ATM: variants seen among roughly 807,000 people sequenced by gnomAD.
ATM encodes the protein ATM serine/threonine kinase.
In ATM, 308 loss-of-function variants were observed where a neutral mutation model predicts 387.0. The observed-to-expected ratio is 0.80, with a 90% CI of 0.73 to 0.87. The LOEUF is 0.87. Among genes scored for constraint, ATM ranks in the 40% least tolerant of loss-of-function variants. The pLI is 0.00. For missense variants in ATM, 3,312 were observed against 3,560.9 expected (o/e 0.93, Z 1.78); for synonymous variants, 1,156 against 1,187.3 (o/e 0.97, Z 0.54).
At chr11:108,258,125 A>T (rs1003823301) in intron 15 of ATM, among the ~76,000 whole-genome samples, 3 of 152,140 alleles carry the variant, frequency 2.0e-5, no homozygotes, top group African/African-American at 7.2e-5. Context: ...GGCTAGTCTC[A>T]AACCCTGGGC....
At chr11:108,342,323 A>G (rs1323081743) in intron 56 of ATM, among the ~76,000 whole-genome samples, 1 of 152,228 alleles carries the variant, frequency 6.6e-6, no homozygotes, top group Non-Finnish European at 1.5e-5. Context: ...GTATTTATGT[A>G]GTATATAGCT....
chr11:108,235,251 G>A (rs2079207222), intron 4 of ATM, among the ~76,000 whole-genome samples: 1 of 147,754 alleles, frequency 6.8e-6, no homozygotes, highest in African/African-American at 2.5e-5. Flanking sequence ...TGCTGAGTTT[G>A]TGCCACTGCA....
rs1322974277 is a variant in ATM, at chr11:108,366,407, GT to G, written c.*905del. The G allele has an allele frequency of 9.2e-6, 2 of 217,232 alleles. No individual in the cohort carries two copies. The highest frequency in any genetic ancestry group is 1.9e-4 in the South Asian group (1 of 5,394). The allele number at this position is 217,232 out of a possible 1,614,324, so 13.5% of individuals were successfully genotyped here. A position where few individuals can be genotyped will look rare whatever the true frequency, so the allele number is the denominator to read the frequency against. On this transcript the variant is annotated 3_prime_UTR_variant, in exon 63 of 63. Transcript: ENST00000675843. The stretch of plus-strand genomic sequence containing the variant: ...ATGTCATTTTTAATGTTTTTTTAAT[GT>G]TTTTTATGTCACTAATTATTTTAAA...
chr11:108,328,242 C>CTTTCT (rs944383300), intron 48 of ATM, among the ~76,000 whole-genome samples: 52 of 152,108 alleles, frequency 3.4e-4, no homozygotes, highest in East Asian at 7.7e-4. Flanking sequence ...ATGCGATTGT[C>CTTTCT]TTTCTTTTCT....
At chr11:108,352,016 C>G (rs2089266842) in intron 59 of ATM, among the ~76,000 whole-genome samples, 4 of 152,144 alleles carry the variant, frequency 2.6e-5, no homozygotes, top group Admixed American at 1.3e-4. Flanking sequence ...CTGCCCTTAC[C>G]TAGCAGTAAC....
intron 56 of ATM, chr11:108,340,483 CTCTCT>C (rs1370301545): frequency 1.3e-5 from 2 of 152,154 alleles, no homozygotes; most frequent in Non-Finnish European, 2.9e-5. Context: ...ACTCTTGTTT[CTCTCT>C]TCTCAAGTCT....
In ATM at chr11:108,332,903, A is replaced by G. The variant is rs772572722; in HGVS notation, c.7927+3A>G. 6.2e-7 allele frequency: 1 copy of G among 1,611,468 alleles called. No individual in the cohort carries two copies. The highest frequency in any genetic ancestry group is 8.5e-7 in the Non-Finnish European group (1 of 1,179,338). On this transcript the variant is annotated splice_donor_region_variant and intron_variant, in intron 53 of 62. Coordinates refer to ENST00000675843, the MANE Select transcript of ATM (RefSeq NM_000051.4). ...CACTCAGTGGAAGACTCAGAGAAGTATGTTTTTTTTAAAGAAGAAACGTTA... is the reference window on the plus strand; with the variant it reads ...CACTCAGTGGAAGACTCAGAGAAGTGTGTTTTTTTTAAAGAAGAAACGTTA...
chr11:108,320,978 A>G (rs1388756831), intron 44 of ATM, among the ~76,000 whole-genome samples: 1 of 152,226 alleles, frequency 6.6e-6, no homozygotes, highest in East Asian at 1.9e-4. Flanking sequence ...TTTACTAGTA[A>G]GTGGAAGTGG....
intron 61 of ATM, among the ~76,000 whole-genome samples, chr11:108,359,193 CAAA>C (rs2090407106): frequency 6.6e-6 from 1 of 151,362 alleles, no homozygotes; most frequent in Admixed American, 6.6e-5. Flanking sequence ...TCAAAAGAAA[CAAA>C]GAAGGCCATT....
intron 12 of ATM, among the ~76,000 whole-genome samples, chr11:108,253,508 A>G (rs1038112570): frequency 1.3e-5 from 2 of 152,076 alleles, no homozygotes; most frequent in Admixed American, 6.6e-5. Context: ...TTTGCAGACA[A>G]TGTTATGCTT....
At chr11:108,315,783 T>C (rs770756449) in intron 40 of ATM, 40 bp from the exon 41 acceptor site, 1 of 1,535,484 alleles carries the variant, frequency 6.5e-7, no homozygotes, top group Non-Finnish European at 9.0e-7. Flanking sequence ...TAGACCGATT[T>C]TTTTTCCTTC....
At chr11:108,271,015 G>A in intron 18 of ATM, 49 bp from the exon 19 acceptor site, 1 of 1,499,928 alleles carries the variant, frequency 6.7e-7, no homozygotes, top group Non-Finnish European at 9.3e-7. Context: ...ACTTTTTAAA[G>A]TAAATGATTT....
chr11:108,261,853 C>T (rs931374116), intron 16 of ATM, among the ~76,000 whole-genome samples: 7 of 152,060 alleles, frequency 4.6e-5, no homozygotes, highest in Middle Eastern at 3.4e-3. Context: ...CCTCAGGAGC[C>T]GATGCGATCA....
intron 61 of ATM, among the ~76,000 whole-genome samples, chr11:108,362,374 T>C (rs2090871908): frequency 6.6e-6 from 1 of 151,640 alleles, no homozygotes. Context: ...GTTCAACCAT[T>C]GTGGAAGTCA....
At chr11:108,237,899 G>GTTTTTTTTTTTTTTTTTTTTTTT (rs369161623) in intron 5 of ATM, among the ~76,000 whole-genome samples, 67 of 92,036 alleles carry the variant, frequency 7.3e-4, no homozygotes, top group Middle Eastern at 7.6e-3. Context: ...ATTTACTTAG[G>GTTTTTTTTTTTTTTTTTTTTTTT]TTTTTTTTTT....
intron 15 of ATM, among the ~76,000 whole-genome samples, chr11:108,258,551 T>A (rs1416651379): frequency 4.6e-5 from 7 of 152,208 alleles, no homozygotes; most frequent in Non-Finnish European, 8.8e-5. Flanking sequence ...TTTGTTTTTA[T>A]CTGCAGCAGC....
intron 57 of ATM, among the ~76,000 whole-genome samples, chr11:108,345,342 A>G (rs2088193610): frequency 6.6e-6 from 1 of 152,190 alleles, no homozygotes; most frequent in Non-Finnish European, 1.5e-5. Flanking sequence ...GATCTGAGTC[A>G]TATCAGCTGC....
In ATM at chr11:108,365,416, A is replaced by G. The variant is rs763152094; in HGVS notation, c.9079A>G (p.Ser3027Gly). The G allele has an allele frequency of 6.2e-7, 1 of 1,614,248 alleles. No homozygotes were observed. Among genetic ancestry groups the G allele is most frequent in the Non-Finnish European group, 8.5e-7 (1 of 1,180,048 alleles). ...LKGVEEGTVL[S>G]VGGQVNLLIQ... ...AGGAGTGGAAGAAGGCACTGTGCTC[A>G]GTGTTGGTGGACAAGTGAATTTGCT... Residue 3027 changes from serine to glycine, a missense_variant, in exon 63 of 63, where the codon AGT becomes GGT. Around this residue, in one of 4 missense-constraint regions of ATM, gnomAD observed 95 missense variants for 100.3 expected, o/e 0.95. Transcript: ENST00000675843.
intron 17 of ATM, 54 bp from the exon 18 acceptor site, chr11:108,268,356 A>G (rs1169757670): frequency 1.1e-5 from 17 of 1,525,432 alleles, no homozygotes; most frequent in African/African-American, 1.4e-5. Flanking sequence ...TAATATGACT[A>G]TATATGGCTG....
Sources: allele counts gnomAD v4.1 joint callset (sites outside exome capture counted in the v4.1 genomes callset), GRCh38; gene constraint gnomAD v4.1.1; regional missense constraint gnomAD v4.1.1; transcripts MANE v1.5; gene names NCBI Gene and HGNC (gene_info 2026-07-23, HGNC 2026-07-21).